BMAL1: variants seen among roughly 807,000 people sequenced by gnomAD.
The protein encoded by BMAL1 is basic helix-loop-helix ARNT like 1.
chr11:13,305,108 G>A, the BMAL1 span, among the ~76,000 whole-genome samples: 1 of 152,174 alleles, frequency 6.6e-6, no homozygotes, highest in African/African-American at 2.4e-5. Context: ...AACTGGAGAT[G>A]GGACTTTTTA....
At chr11:13,306,487 C>T in the BMAL1 span, among the ~76,000 whole-genome samples, 1 of 152,174 alleles carries the variant, frequency 6.6e-6, no homozygotes, top group Non-Finnish European at 1.5e-5. Context: ...CTAAGCGTGG[C>T]AGAGGGGTGT....
At chr11:13,351,413 T>A in the BMAL1 span, among the ~76,000 whole-genome samples, 1 of 152,184 alleles carries the variant, frequency 6.6e-6, no homozygotes, top group Admixed American at 6.5e-5. Context: ...ATGTTTCAGT[T>A]TAACATCTCT....
chr11:13,287,041 C>T, the BMAL1 span, among the ~76,000 whole-genome samples: 1 of 152,122 alleles, frequency 6.6e-6, no homozygotes. Flanking sequence ...AGAAAGGAAC[C>T]TAAGGTTTTG....
At chr11:13,284,026 T>G in the BMAL1 span, among the ~76,000 whole-genome samples, 7,571 of 149,954 alleles carry the variant, frequency 0.05, 635 homozygotes, top group African/African-American at 0.18. Context: ...ACCTTCGTCC[T>G]TTTCTCCCTG....
At chr11:13,299,711 G>T in the BMAL1 span, among the ~76,000 whole-genome samples, 4 of 152,268 alleles carry the variant, frequency 2.6e-5, no homozygotes, top group Non-Finnish European at 5.9e-5. Context: ...ATGCTCTCAG[G>T]CACCTTTGGG....
chr11:13,369,697 G>A, the BMAL1 span: 2 of 1,614,036 alleles, frequency 1.2e-6, no homozygotes, highest in East Asian at 2.2e-5. Flanking sequence ...TCTTCTGTAG[G>A]ATGAAGTGTA....
At chr11:13,326,567 C>T in the BMAL1 span, 2 of 152,152 alleles carry the variant, frequency 1.3e-5, no homozygotes, top group African/African-American at 2.4e-5. Flanking sequence ...CTTGCCACTG[C>T]TTAGTAGTTA....
the BMAL1 span, among the ~76,000 whole-genome samples, chr11:13,347,437 T>C: frequency 5.9e-5 from 9 of 152,312 alleles, no homozygotes; most frequent in African/African-American, 2.2e-4. Context: ...AAAATCTATA[T>C]TAGCATTTAT....
chr11:13,333,421 C>T, the BMAL1 span, among the ~76,000 whole-genome samples: 23 of 152,176 alleles, frequency 1.5e-4, 1 homozygote, highest in Admixed American at 2.6e-4. Context: ...TTCCTGTCAC[C>T]ACTGCCACCA....
chr11:13,376,708 G>A, the BMAL1 span: 1 of 1,613,928 alleles, frequency 6.2e-7, no homozygotes, highest in Non-Finnish European at 8.5e-7. Flanking sequence ...AGCATGGACA[G>A]CATGCTGCCC....
the BMAL1 span, among the ~76,000 whole-genome samples, chr11:13,351,191 CAT>C: frequency 3.9e-5 from 6 of 152,184 alleles, no homozygotes; most frequent in South Asian, 4.2e-4. Flanking sequence ...GATGGAATGA[CAT>C]GTGAAGAAAA....
the BMAL1 span, among the ~76,000 whole-genome samples, chr11:13,279,063 C>T: frequency 6.6e-6 from 1 of 152,154 alleles, no homozygotes; most frequent in Non-Finnish European, 1.5e-5. Flanking sequence ...GACCCGCTGC[C>T]GCCGCGCACC....
the BMAL1 span, among the ~76,000 whole-genome samples, chr11:13,277,274 G>C: frequency 6.6e-6 from 1 of 152,230 alleles, no homozygotes; most frequent in Admixed American, 6.5e-5. Context: ...GAGGGGAGAA[G>C]AAGAAGGAGG....
the BMAL1 span, among the ~76,000 whole-genome samples, chr11:13,310,550 C>G: frequency 6.6e-6 from 1 of 152,146 alleles, no homozygotes; most frequent in Non-Finnish European, 1.5e-5. Flanking sequence ...CTGTAGAGGA[C>G]CAGATGCTAA....
the BMAL1 span, among the ~76,000 whole-genome samples, chr11:13,284,178 GTGTATATAT>G: frequency 3.3e-5 from 1 of 29,870 alleles, no homozygotes. Flanking sequence ...ATATATATAT[GTGTATATAT>G]ATATATGTGT....
the BMAL1 span, among the ~76,000 whole-genome samples, chr11:13,293,549 T>G: frequency 6.6e-6 from 1 of 152,198 alleles, no homozygotes; most frequent in South Asian, 2.1e-4. Context: ...TTGAATGAAG[T>G]GTGAACTATT....
At chr11:13,344,878 C>A in the BMAL1 span, among the ~76,000 whole-genome samples, 1 of 152,198 alleles carries the variant, frequency 6.6e-6, no homozygotes, top group African/African-American at 2.4e-5. Flanking sequence ...TCTGCCATGG[C>A]TGTTTGGGCT....
At chr11:13,325,929 G>A in the BMAL1 span, among the ~76,000 whole-genome samples, 1 of 151,916 alleles carries the variant, frequency 6.6e-6, no homozygotes, top group Admixed American at 6.6e-5. Context: ...AAGGGGCCGG[G>A]GGCGGTGGCT....
chr11:13,358,718 T>A, the BMAL1 span: 1 of 1,051,322 alleles, frequency 9.5e-7, no homozygotes, highest in Admixed American at 3.1e-5. Flanking sequence ...GTAGTATGCC[T>A]TTACTCTTCA....
Sources: gnomAD v4.1 joint callset for allele counts (sites outside exome capture counted in the v4.1 genomes callset) on GRCh38, gnomAD v4.1.1 for gene constraint, MANE v1.5 for transcripts, NCBI Gene and HGNC (gene_info 2026-07-23, HGNC 2026-07-21) for gene names.